GRAMD4: variants seen among roughly 807,000 people sequenced by gnomAD.
GRAMD4 encodes GRAM domain-containing protein 4.
Under a neutral mutation model 83.9 loss-of-function variants are expected in GRAMD4, and 25 were observed. That is an observed-to-expected ratio of 0.30 (90% CI 0.22 to 0.42). The LOEUF (loss-of-function observed/expected upper bound fraction) is 0.42. Ranked by LOEUF, GRAMD4 falls within the 10% of genes least tolerant of loss-of-function variation. The pLI, the probability that GRAMD4 is intolerant of heterozygous loss-of-function variation, is 1.00. For missense variants in GRAMD4, 593 were observed against 788.7 expected (o/e 0.75, Z 2.97); for synonymous variants, 336 against 320.9 (o/e 1.05, Z -0.50).
At chr22:46,608,576 G>A (rs1378881361) in intron 1 of GRAMD4, among the ~76,000 whole-genome samples, 1 of 152,060 alleles carries the variant, frequency 6.6e-6, no homozygotes, top group East Asian at 1.9e-4. Flanking sequence ...CTCCTTGGGA[G>A]GCAGAGGCAG....
chr22:46,666,972 A>C, intron 10 of GRAMD4, 99 bp downstream of exon 10: 1 of 845,440 alleles, frequency 1.2e-6, no homozygotes, highest in South Asian at 1.7e-5. Context: ...GGATGAGGCC[A>C]TGTGGTCATC....
At chr22:46,591,888 G>A (rs896921582) in intron 1 of GRAMD4, among the ~76,000 whole-genome samples, 8 of 13,878 alleles carry the variant, frequency 5.8e-4, no homozygotes, top group Admixed American at 8.7e-4. Flanking sequence ...CTCAGCCCCC[G>A]CACCCCTCAG....
intron 15 of GRAMD4, among the ~76,000 whole-genome samples, chr22:46,674,447 C>G (rs923090113): frequency 2.0e-5 from 3 of 152,206 alleles, no homozygotes; most frequent in South Asian, 2.1e-4. Flanking sequence ...CTTTAAAAAC[C>G]CTGCCAGTGC....
rs1308511805 is a variant in GRAMD4, at chr22:46,659,977, C to T, written c.405-1404C>T. 6.6e-6 allele frequency among the ~76,000 whole-genome samples: 1 copy of T among 152,228 alleles called. No individual in the cohort carries two copies. Among genetic ancestry groups the T allele is most frequent in the Non-Finnish European group, 1.5e-5 (1 of 68,032 alleles). On this transcript the variant is annotated intron_variant, in intron 4 of 18. Transcript: ENST00000406902. This position sits in a 1 kb window ranked among gnomAD's most constrained non-coding sequence, Gnocchi z 4.1. ...GGTGCGGTCCCCAGGCATTTGGCCA[C>T]AGTGCCATCCCCGCCACGGGACGCT...
At chr22:46,668,280 G>T (rs967121015) in intron 11 of GRAMD4, 113 bp downstream of exon 11, 7 of 699,550 alleles carry the variant, frequency 1.0e-5, no homozygotes, top group Non-Finnish European at 1.5e-5. Context: ...TGCTGCCTGG[G>T]GAGGGCCGTG....
chr22:46,661,495 G>T, intron 5 of GRAMD4, 53 bp downstream of exon 5: 1 of 1,220,676 alleles, frequency 8.2e-7, no homozygotes. Context: ...GTGGCTGCGC[G>T]TCACCTGCTG....
rs571807671 is a variant in GRAMD4, at chr22:46,659,484, G to C, written c.404+1177G>C. 1.3e-5 allele frequency among the ~76,000 whole-genome samples: 2 copies of C among 152,320 alleles called. No homozygotes were observed. Among genetic ancestry groups the C allele is most frequent in the East Asian group, 3.9e-4 (2 of 5,182 alleles). ...CTGTCACCAGTTAGGGAGGCACACG[G>C]CATCTCTGGGACACCCCAGCTGAGC... On this transcript the variant is annotated intron_variant, in intron 4 of 18. Transcript: ENST00000406902. This position sits in a 1 kb window ranked among gnomAD's most constrained non-coding sequence, Gnocchi z 4.1.
chr22:46,585,678 A>G (rs1057155432), intron 1 of GRAMD4, among the ~76,000 whole-genome samples: 5 of 152,148 alleles, frequency 3.3e-5, no homozygotes, highest in African/African-American at 1.2e-4. Flanking sequence ...CAGGGCACAC[A>G]TGGTGGAAGG....
Position 46,622,819 on chromosome 22 carries a change from G to A in GRAMD4, c.-50+2254G>A, listed in dbSNP as rs556679509. ...CCCAGCTACTCGGGAGGCTGAGGCA[G>A]GAGAATGGCGTGAACCCAGGAGGCG... is the stretch of plus-strand genomic sequence containing the variant. On this transcript the variant is annotated intron_variant, in intron 1 of 18. Transcript: ENST00000406902. This position sits in a 1 kb window ranked among gnomAD's most constrained non-coding sequence, Gnocchi z 4.0. 2.4e-3 allele frequency among the ~76,000 whole-genome samples: 360 copies of A among 151,766 alleles called. No individual in the cohort carries two copies. The highest frequency in any genetic ancestry group is 4.1e-3 in the Non-Finnish European group (280 of 67,950).
chr22:46,580,193 A>C (rs924857249), intron 1 of GRAMD4, among the ~76,000 whole-genome samples: 3 of 152,206 alleles, frequency 2.0e-5, no homozygotes, highest in Non-Finnish European at 4.4e-5. Flanking sequence ...TTTAGTGAGT[A>C]ACAGGCAGAA....
At chr22:46,681,467 A>G (rs1050422134), downstream of GRAMD4, among the ~76,000 whole-genome samples, 18 of 152,336 alleles carry the variant, frequency 1.2e-4, no homozygotes, top group African/African-American at 4.3e-4. Context: ...GTTTTAATGC[A>G]TGCATTTTAC....
In GRAMD4 at chr22:46,632,876, C is replaced by T. The variant is rs1435744997; in HGVS notation, c.163-4964C>T. On this transcript the variant is annotated intron_variant, in intron 2 of 18. Transcript: ENST00000406902. ...CTGCCTGTGCTTGCTGGGGAGGGTG[C>T]TGGGCGTGGCGGAGTTGAATTTTCC... is the stretch of plus-strand genomic sequence containing the variant. Among the ~76,000 whole-genome samples, 3 of 152,208 alleles carry T rather than the reference C, an allele frequency of 2.0e-5. No individual in the cohort carries two copies. In the East Asian group the frequency reaches 5.8e-4, roughly 29 times the overall value.
intron 3 of GRAMD4, among the ~76,000 whole-genome samples, chr22:46,643,172 C>G (rs2082010033): frequency 2.7e-5 from 4 of 149,362 alleles, no homozygotes; most frequent in Admixed American, 6.6e-5. Flanking sequence ...TCCATCCATC[C>G]ATCCATCCAT....
chr22:46,600,169 G>A (rs2081298819), intron 1 of GRAMD4, among the ~76,000 whole-genome samples: 1 of 152,184 alleles, frequency 6.6e-6, no homozygotes, highest in South Asian at 2.1e-4. Flanking sequence ...TTCTGTGAGA[G>A]AATCACCTGC....
chr22:46,598,442 A>T (rs1211457649), intron 1 of GRAMD4, among the ~76,000 whole-genome samples: 2 of 152,004 alleles, frequency 1.3e-5, no homozygotes, highest in African/African-American at 2.4e-5. Context: ...TTGCCAGAGG[A>T]TTCTAATTGA....
At chr22:46,577,914 C>A (rs1046846549) in intron 1 of GRAMD4, among the ~76,000 whole-genome samples, 11 of 152,210 alleles carry the variant, frequency 7.2e-5, no homozygotes, top group Non-Finnish European at 1.3e-4. Context: ...GTGGCAACCC[C>A]GGCCCGAGGC....
chr22:46,664,569 A>G (rs1178561878), intron 8 of GRAMD4, among the ~76,000 whole-genome samples: 15 of 152,256 alleles, frequency 9.9e-5, no homozygotes. Flanking sequence ...CAGGGCCCAC[A>G]TTGCCAGGGC....
At chr22:46,665,539 G>C (rs538447804) in intron 8 of GRAMD4, 76 bp from the exon 9 acceptor site, 38 of 782,016 alleles carry the variant, frequency 4.9e-5, no homozygotes, top group African/African-American at 1.7e-4. Context: ...GCCGCCTGGT[G>C]GGGGGAGGCG....
intron 2 of GRAMD4, among the ~76,000 whole-genome samples, chr22:46,637,096 G>A (rs1322945036): frequency 6.6e-5 from 10 of 152,040 alleles, no homozygotes; most frequent in East Asian, 3.9e-4. Context: ...AGTGTGGCTC[G>A]TGGAGGCGCC....
Sources: gnomAD v4.1 joint callset for allele counts (sites outside exome capture counted in the v4.1 genomes callset) on GRCh38, gnomAD v4.1.1 for gene constraint, Gnocchi (gnomAD v3.1) non-coding constraint, MANE v1.5 for transcripts, NCBI Gene and HGNC (gene_info 2026-07-23, HGNC 2026-07-21) for gene names.